SMIM35: variants seen among roughly 807,000 people sequenced by gnomAD.
SMIM35 encodes TMPRSS4 antisense RNA 1 (non-protein coding).
intron 1 of SMIM35, among the ~76,000 whole-genome samples, chr11:118,077,928 G>T (rs1412592207): frequency 7.0e-6 from 1 of 143,384 alleles, no homozygotes; most frequent in Non-Finnish European, 1.5e-5. Flanking sequence ...CAGGAGAATC[G>T]CTTGAACTTG....
chr11:118,028,904 AC>A, intron 1 of SMIM35: 1 of 429,842 alleles, frequency 2.3e-6, no homozygotes, highest in South Asian at 1.7e-5. Context: ...GGGAAGGAGG[AC>A]AGGAGGAGGA....
At chr11:118,011,826 C>T (rs148248675) in intron 4 of SMIM35, among the ~76,000 whole-genome samples, 75 of 152,260 alleles carry the variant, frequency 4.9e-4, no homozygotes, top group Non-Finnish European at 9.0e-4. Flanking sequence ...TCCAAGAGGC[C>T]TTCAAGGAAG....
chr11:118,071,201 G>A (rs1944566064), intron 1 of SMIM35, among the ~76,000 whole-genome samples: 1 of 152,212 alleles, frequency 6.6e-6, no homozygotes, highest in Admixed American at 6.5e-5. Flanking sequence ...AGTCAGGCAT[G>A]TGGAAGGGAA....
At chr11:118,074,501 C>A (rs892861293) in intron 1 of SMIM35, among the ~76,000 whole-genome samples, 1 of 152,036 alleles carries the variant, frequency 6.6e-6, no homozygotes, top group African/African-American at 2.4e-5. Flanking sequence ...AGTCCCAGCA[C>A]TTTGGGAAAC....
chr11:118,014,575 C>T (rs1233825449), intron 3 of SMIM35, 133 bp downstream of exon 3: 3 of 397,420 alleles, frequency 7.5e-6, no homozygotes, highest in East Asian at 7.1e-5. Flanking sequence ...TCGTGCCCTT[C>T]TTTTATTTTC....
At position 118,085,226 on chromosome 11, in the gene SMIM35, C is replaced by CTT. The variant is rs67063759; in HGVS notation, c.7+1523_7+1524dup. ...GATGGAGGAGTCAGATCTTCTTCTTCTTTTTTTTTTTTTTTGAGACAGAGT... is the reference window on the plus strand; with the variant it reads ...GATGGAGGAGTCAGATCTTCTTCTTCTTTTTTTTTTTTTTTTTGAGACAGAGT... On this transcript the variant is annotated intron_variant, in intron 1 of 4. Coordinates refer to ENST00000689828, the MANE Select transcript of SMIM35 (RefSeq NM_001394165.1). Among the ~76,000 whole-genome samples the CTT allele has an allele frequency of 2.5e-3, 358 of 141,868 alleles. 4 individuals are homozygous for CTT. Among genetic ancestry groups the CTT allele is most frequent in the African/African-American group, 7.1e-3 (273 of 38,564 alleles). The allele number at this position is 141,868 out of a possible 152,430, so 93.1% of individuals were successfully genotyped here. A position where few individuals can be genotyped will look rare whatever the true frequency, so the allele number is the denominator to read the frequency against.
At chr11:118,033,954 C>T (rs1013574980) in intron 1 of SMIM35, among the ~76,000 whole-genome samples, 3 of 152,148 alleles carry the variant, frequency 2.0e-5, no homozygotes, top group South Asian at 2.1e-4. Flanking sequence ...AGTACCCTAA[C>T]GCCTGGAATT....
chr11:118,060,959 C>A (rs555482629), intron 1 of SMIM35, among the ~76,000 whole-genome samples: 1 of 152,236 alleles, frequency 6.6e-6, no homozygotes, highest in Non-Finnish European at 1.5e-5. Flanking sequence ...CCTCTCCAGC[C>A]CTGTGACCTC....
At chr11:118,021,820 A>G (rs980202001) in intron 1 of SMIM35, among the ~76,000 whole-genome samples, 1 of 152,210 alleles carries the variant, frequency 6.6e-6, no homozygotes, top group Non-Finnish European at 1.5e-5. Flanking sequence ...ATTCATAATT[A>G]TTATTAGAGA....
rs61740780 is a variant in SMIM35, at chr11:118,015,784, G to A, written c.33C>T (p.Gly11=). The A allele has an allele frequency of 0.018, 7,276 of 399,296 alleles. 78 individuals are homozygous for A. The highest frequency in any genetic ancestry group is 0.023 in the Non-Finnish European group (5,266 of 226,286). 24.7% of individuals were successfully genotyped at this position (399,296 alleles called of 1,614,324 possible). A position where few individuals can be genotyped will look rare whatever the true frequency, so the allele number is the denominator to read the frequency against. ...GCAAGAGCCCCACGCCAAGGATCAG[G>A]CCCAAGGTGCTGATGGAGTCCTCAC... The part of the protein sequence containing the change: MTGEDSISTL[G]LILGVGLLLL... Residue 11 remains glycine, a synonymous_variant, in exon 2 of 5, where the codon GGC becomes GGT. Transcript: ENST00000689828.
At chr11:118,077,974 T>C (rs1208436474) in intron 1 of SMIM35, among the ~76,000 whole-genome samples, 1 of 128,272 alleles carries the variant, frequency 7.8e-6, no homozygotes, top group Non-Finnish European at 1.5e-5. Flanking sequence ...GATTGTGCCA[T>C]TGCACTCCAA....
chr11:118,011,405 G>A (rs2058149920), intron 4 of SMIM35, among the ~76,000 whole-genome samples: 1 of 152,158 alleles, frequency 6.6e-6, no homozygotes, highest in Non-Finnish European at 1.5e-5. Flanking sequence ...GTTTTATTGG[G>A]GCCGGGCCAG....
At chr11:118,075,471 A>C (rs1291831082) in intron 1 of SMIM35, among the ~76,000 whole-genome samples, 1 of 152,248 alleles carries the variant, frequency 6.6e-6, no homozygotes, top group African/African-American at 2.4e-5. Flanking sequence ...CCAAACCATG[A>C]ACCTGGGGCT....
chr11:118,010,152 GCAAA>G (rs2135013322), intron 4 of SMIM35, among the ~76,000 whole-genome samples: 1 of 152,340 alleles, frequency 6.6e-6, no homozygotes, highest in Admixed American at 6.5e-5. Context: ...TGTGAACTGT[GCAAA>G]CAGTCTCTGC....
Position 118,044,041 on chromosome 11 carries a change from A to T in SMIM35, c.8-28232T>A, listed in dbSNP as rs1025470180. Among the ~76,000 whole-genome samples, 8 of 152,096 alleles carry T rather than the reference A, an allele frequency of 5.3e-5. No homozygotes were observed. The East Asian group carries it at 7.7e-4, about 15-fold the overall frequency. On this transcript the variant is annotated intron_variant, in intron 1 of 4. Transcript: ENST00000689828. Reference sequence around the variant, plus strand: ...TGAATTATATCTAAACAAAGCTGTTAAAAAAGCGATAAAATGCCAACCTAT... The same window carrying T: ...TGAATTATATCTAAACAAAGCTGTTTAAAAAGCGATAAAATGCCAACCTAT...
intron 1 of SMIM35, among the ~76,000 whole-genome samples, chr11:118,060,359 C>T (rs1944376589): frequency 6.6e-6 from 1 of 152,256 alleles, no homozygotes. Context: ...CACCTCCCCA[C>T]ACACCTCTTG....
intron 1 of SMIM35, among the ~76,000 whole-genome samples, chr11:118,062,159 A>G (rs1944402977): frequency 6.6e-6 from 1 of 152,154 alleles, no homozygotes; most frequent in South Asian, 2.1e-4. Context: ...GCGAAATCCC[A>G]TCTCTACCAA....
intron 1 of SMIM35, among the ~76,000 whole-genome samples, chr11:118,040,488 T>C (rs1344589055): frequency 6.6e-6 from 1 of 152,224 alleles, no homozygotes; most frequent in African/African-American, 2.4e-5. Flanking sequence ...AGTCCTACGT[T>C]TAGCAAAGCT....
At chr11:118,079,596 G>T (rs1016275377) in intron 1 of SMIM35, among the ~76,000 whole-genome samples, 5 of 152,174 alleles carry the variant, frequency 3.3e-5, no homozygotes, top group Non-Finnish European at 7.4e-5. Flanking sequence ...AGACCTAAAC[G>T]CACCCTGAGC....
Sources: gnomAD v4.1 joint callset for allele counts (sites outside exome capture counted in the v4.1 genomes callset) on GRCh38, gnomAD v4.1.1 for gene constraint, MANE v1.5 for transcripts, NCBI Gene and HGNC (gene_info 2026-07-23, HGNC 2026-07-21) for gene names.